The following FAM53B variants were observed in gnomAD, a reference collection of about 807,000 sequenced individuals.
FAM53B encodes protein FAM53B.
FAM53B carries 12 observed loss-of-function variants against 32.7 expected under a neutral mutation model. The observed-to-expected ratio is 0.37, with a 90% confidence interval of 0.24 to 0.59. FAM53B has a LOEUF of 0.59. Among genes scored for constraint, FAM53B ranks in the 20% least tolerant of loss-of-function variants. FAM53B has a pLI of 0.72. For missense variants in FAM53B, 477 were observed against 577.7 expected, an observed-to-expected ratio of 0.83 and a Z score of 1.79; for synonymous variants, 234 against 228.7, an observed-to-expected ratio of 1.02 and a Z score of -0.21.
At chr10:124,660,540 C>T (rs1050224885) in intron 4 of FAM53B, among the ~76,000 whole-genome samples, 1 of 152,254 alleles carries the variant, frequency 6.6e-6, no homozygotes, top group Non-Finnish European at 1.5e-5. Flanking sequence ...GCCTGCTTAT[C>T]ACCTGGGGGG....
intron 4 of FAM53B, among the ~76,000 whole-genome samples, chr10:124,650,230 C>T (rs776811347): frequency 6.6e-6 from 1 of 152,222 alleles, no homozygotes; most frequent in Non-Finnish European, 1.5e-5. Context: ...AGACCTCTCC[C>T]TCCAAGGAAG....
chr10:124,626,875 G>GCAGC (rs1374423344), intron 4 of FAM53B, among the ~76,000 whole-genome samples: 17 of 152,218 alleles, frequency 1.1e-4, no homozygotes, highest in Non-Finnish European at 1.5e-5. Flanking sequence ...CCTCTGGGCT[G>GCAGC]CAGCCAGCCT....
At chr10:124,703,194 G>A (rs758790579) in intron 2 of FAM53B, among the ~76,000 whole-genome samples, 1 of 152,190 alleles carries the variant, frequency 6.6e-6, no homozygotes, top group African/African-American at 2.4e-5. Flanking sequence ...ACAGGCGCCC[G>A]CCTGCCACCA....
At chr10:124,626,221 C>T (rs55877286) in intron 4 of FAM53B, among the ~76,000 whole-genome samples, 2 of 152,264 alleles carry the variant, frequency 1.3e-5, no homozygotes, top group African/African-American at 4.8e-5. Flanking sequence ...CCTGCGCAAT[C>T]GGACAGACGC....
intron 4 of FAM53B, chr10:124,671,199 T>A: frequency 2.2e-6 from 1 of 454,094 alleles, no homozygotes; most frequent in South Asian, 1.5e-5. Flanking sequence ...TGCTTCCCAT[T>A]TGCTGCATTT....
intron 3 of FAM53B, among the ~76,000 whole-genome samples, chr10:124,688,908 A>T (rs1949817313): frequency 6.6e-6 from 1 of 152,228 alleles, no homozygotes; most frequent in Non-Finnish European, 1.5e-5. Flanking sequence ...ATAGCCCTAG[A>T]GAGCTCTGTG....
At chr10:124,712,851 G>T (rs143724343) in intron 1 of FAM53B, among the ~76,000 whole-genome samples, 11 of 152,322 alleles carry the variant, frequency 7.2e-5, no homozygotes, top group Admixed American at 2.0e-4. Flanking sequence ...CAAAAGGCAA[G>T]GTCAGACTTC....
At chr10:124,649,802 ATAAGTCCCCAAAAGCAACCAAATATACG>A (rs1254331314) in intron 4 of FAM53B, among the ~76,000 whole-genome samples, 42 of 152,168 alleles carry the variant, frequency 2.8e-4, no homozygotes, top group African/African-American at 6.3e-4. Flanking sequence ...CCAAATATAC[ATAAGTCCCCAAAAGCAACCAAATATACG>A]TAAGTCCCCA....
intron 4 of FAM53B, among the ~76,000 whole-genome samples, chr10:124,673,937 A>G (rs1020861245): frequency 3.9e-5 from 6 of 152,220 alleles, no homozygotes; most frequent in African/African-American, 1.4e-4. Flanking sequence ...CAAGGCTCAG[A>G]GAAGCAGGGC....
chr10:124,713,325 GC>G (rs1430915749), intron 1 of FAM53B: 1 of 152,182 alleles, frequency 6.6e-6, no homozygotes, highest in African/African-American at 2.4e-5. Context: ...TCAAACCCAG[GC>G]CTTCCTCCCC....
intron 1 of FAM53B, among the ~76,000 whole-genome samples, chr10:124,726,399 C>T (rs947947836): frequency 6.6e-6 from 1 of 152,176 alleles, no homozygotes; most frequent in East Asian, 1.9e-4. Context: ...ACAGTGGCAT[C>T]GTCAGAGCCT....
At position 124,620,227 on chromosome 10, in the gene FAM53B, C is replaced by T. The variant is rs139035004; in HGVS notation, c.*3015G>A. On this transcript the variant is annotated 3_prime_UTR_variant, in exon 5 of 5. Transcript: ENST00000337318. Reference sequence around the variant, plus strand: ...GCCCGTGCAAATCCGGCCTCCACCGCGAGTAAGGCAAGAGGGTATGGCAAC... The same window carrying T: ...GCCCGTGCAAATCCGGCCTCCACCGTGAGTAAGGCAAGAGGGTATGGCAAC... 11 of 152,714 alleles carry T rather than the reference C, an allele frequency of 7.2e-5. No individual in the cohort carries two copies. The highest frequency in any genetic ancestry group is 1.9e-4 in the East Asian group (1 of 5,172). The allele number at this position is 152,714 out of a possible 1,614,324, so 9.5% of individuals were successfully genotyped here. A position where few individuals can be genotyped will look rare whatever the true frequency, so the allele number is the denominator to read the frequency against.
At chr10:124,653,829 G>C (rs994461496) in intron 4 of FAM53B, among the ~76,000 whole-genome samples, 1 of 152,234 alleles carries the variant, frequency 6.6e-6, no homozygotes, top group Non-Finnish European at 1.5e-5. Context: ...GTGTGGCCAG[G>C]TCTGGAACAC....
intron 4 of FAM53B, among the ~76,000 whole-genome samples, chr10:124,626,480 C>T (rs993848378): frequency 4.7e-5 from 7 of 147,878 alleles, no homozygotes; most frequent in Admixed American, 3.4e-4. Flanking sequence ...GGGATGAGGG[C>T]CCATAACAGA....
intron 4 of FAM53B, among the ~76,000 whole-genome samples, chr10:124,630,495 AG>A (rs1278094159): frequency 1.3e-5 from 2 of 152,212 alleles, no homozygotes; most frequent in Admixed American, 6.5e-5. Context: ...CCAAAGAGGC[AG>A]CCCTTCTGAG....
At chr10:124,634,482 T>C (rs759415948) in intron 4 of FAM53B, among the ~76,000 whole-genome samples, 1 of 152,246 alleles carries the variant, frequency 6.6e-6, no homozygotes, top group Non-Finnish European at 1.5e-5. Context: ...GTTACCTTCA[T>C]GCTACTCTTG....
chr10:124,654,719 G>C (rs1265375385), intron 4 of FAM53B, among the ~76,000 whole-genome samples: 1 of 152,164 alleles, frequency 6.6e-6, no homozygotes, highest in East Asian at 1.9e-4. Context: ...CATGAGTGGT[G>C]TTGTGGGTAG....
At chr10:124,645,130 T>C (rs7100830) in intron 4 of FAM53B, among the ~76,000 whole-genome samples, 143,063 of 152,272 alleles carry the variant, frequency 0.94, 67,807 homozygotes, top group Non-Finnish European at 1. Context: ...AGGAGCTGGC[T>C]GGAGCCCTCG....
intron 4 of FAM53B, among the ~76,000 whole-genome samples, chr10:124,656,444 T>C (rs1192698417): frequency 6.6e-6 from 1 of 152,214 alleles, no homozygotes; most frequent in Non-Finnish European, 1.5e-5. Context: ...TGAACTCACA[T>C]ATAGACTATT....
Sources: gnomAD v4.1 joint callset for allele counts (sites outside exome capture counted in the v4.1 genomes callset) on GRCh38, gnomAD v4.1.1 for gene constraint, MANE v1.5 for transcripts, NCBI Gene and HGNC (gene_info 2026-07-23, HGNC 2026-07-21) for gene names.